Variants in PPP1R9A observed in about 807,000 individuals in gnomAD.
PPP1R9A encodes the protein protein phosphatase 1 regulatory subunit 9A.
A neutral mutation model predicts 141.9 loss-of-function variants in PPP1R9A; 59 were observed. That is an observed-to-expected ratio of 0.42 (90% CI 0.34 to 0.52). PPP1R9A has a LOEUF of 0.52. Ranked by LOEUF, PPP1R9A falls within the 20% of genes least tolerant of loss-of-function variation. The pLI is 0.10. For synonymous variants in PPP1R9A, 500 were observed against 569.7 expected (o/e 0.88, Z 1.74); for missense variants, 1,444 against 1,611.9 (o/e 0.90, Z 1.78).
At chr7:95,005,092 A>G (rs1355633965) in intron 2 of PPP1R9A, among the ~76,000 whole-genome samples, 3 of 152,176 alleles carry the variant, frequency 2.0e-5, no homozygotes, top group African/African-American at 4.8e-5. Context: ...CCAGGCTGCT[A>G]GACTATGCAC....
chr7:95,147,920 GCA>G (rs1269222896), intron 4 of PPP1R9A, among the ~76,000 whole-genome samples: 4 of 152,164 alleles, frequency 2.6e-5, no homozygotes, highest in African/African-American at 9.6e-5. Context: ...GAGGATTTTT[GCA>G]TTGATGTTCA....
At chr7:95,030,294 G>T (rs1177449080) in intron 2 of PPP1R9A, among the ~76,000 whole-genome samples, 1 of 152,062 alleles carries the variant, frequency 6.6e-6, no homozygotes, top group Non-Finnish European at 1.5e-5. Flanking sequence ...CAAGTGTTTA[G>T]TAAAACACTT....
chr7:95,144,536 G>C (rs1008213649), intron 4 of PPP1R9A, among the ~76,000 whole-genome samples: 2 of 152,044 alleles, frequency 1.3e-5, no homozygotes, highest in African/African-American at 4.8e-5. Flanking sequence ...TCATGTGGTA[G>C]TTCTAGTTTA....
chr7:94,925,757 C>T (rs1793398657), intron 2 of PPP1R9A, among the ~76,000 whole-genome samples: 1 of 152,082 alleles, frequency 6.6e-6, no homozygotes, highest in Non-Finnish European at 1.5e-5. Flanking sequence ...TTCATCATCT[C>T]TGCCCTTTCT....
In PPP1R9A at chr7:94,910,360, G is replaced by A. The variant is rs958939237; in HGVS notation, c.247G>A (p.Val83Ile). The change falls in exon 2 of 20, where the codon GTC becomes ATC. Residue 83 changes from valine to isoleucine, a missense_variant. By Grantham distance (29) the Val-to-Ile change is conservative (BLOSUM62 3). Around this residue, in one of 5 missense-constraint regions of PPP1R9A, gnomAD observed 490 missense variants for 521.1 expected, o/e 0.94. Transcript: ENST00000433360. This position sits in a 1 kb window ranked among gnomAD's most constrained non-coding sequence, Gnocchi z 4.5. Reference protein sequence around the residue: ...MGMEPNENAAVIAKTRGKGGH... With the variant: ...MGMEPNENAAIIAKTRGKGGH... The stretch of plus-strand genomic sequence containing the variant: ...TATGGAACCCAACGAGAATGCTGCA[G>A]TCATTGCCAAAACAAGGGGGAAAGG... The A allele has an allele frequency of 3.1e-6, 5 of 1,614,132 alleles. No individual in the cohort carries two copies. In the Middle Eastern group the frequency reaches 4.9e-4, roughly 160 times the overall value.
At chr7:95,080,906 G>A (rs1815714644) in intron 2 of PPP1R9A, among the ~76,000 whole-genome samples, 1 of 152,156 alleles carries the variant, frequency 6.6e-6, no homozygotes, top group African/African-American at 2.4e-5. Context: ...ATGTCCAGAT[G>A]ACTTGCACAT....
At chr7:95,150,996 A>G (rs896658851) in intron 4 of PPP1R9A, among the ~76,000 whole-genome samples, 11 of 152,242 alleles carry the variant, frequency 7.2e-5, no homozygotes, top group African/African-American at 2.2e-4. Context: ...GCTAAAATTC[A>G]AAACACTGAC....
chr7:95,130,262 GC>G (rs990503886), intron 4 of PPP1R9A, among the ~76,000 whole-genome samples: 46 of 152,172 alleles, frequency 3.0e-4, no homozygotes, highest in African/African-American at 8.7e-4. Flanking sequence ...GCTGAAAGGG[GC>G]CAAGGTAGCT....
At chr7:95,121,463 A>ATCTG (rs1822580489) in intron 4 of PPP1R9A, among the ~76,000 whole-genome samples, 1 of 23,776 alleles carries the variant, frequency 4.2e-5, no homozygotes, top group African/African-American at 7.8e-5. Flanking sequence ...CTGTCTGTCT[A>ATCTG]TCTATCTATC....
intron 2 of PPP1R9A, among the ~76,000 whole-genome samples, chr7:94,955,037 A>G (rs1279004400): frequency 6.6e-6 from 1 of 151,990 alleles, no homozygotes; most frequent in Non-Finnish European, 1.5e-5. Context: ...TCTGAATCAG[A>G]TAATTCTTAC....
chr7:94,911,363 C>T lies in PPP1R9A; in HGVS notation c.1250C>T (p.Thr417Ile). ...AGGTATAATTCAGACTGGGGAGAGACAGGCACTGAGCAGGATGAGGAGGAA... is the reference window on the plus strand; with the variant it reads ...AGGTATAATTCAGACTGGGGAGAGATAGGCACTGAGCAGGATGAGGAGGAA... ...RSRYNSDWGE[T>I]GTEQDEEEDS... Residue 417 changes from threonine to isoleucine, a missense_variant, in exon 2 of 20, where the codon ACA (threonine) becomes ATA (isoleucine). This residue lies in a region of PPP1R9A where 490 missense variants were observed against 521.1 expected (regional missense o/e 0.94). Coordinates refer to ENST00000433360, the MANE Select transcript of PPP1R9A (RefSeq NM_001166160.2). 6.2e-7 allele frequency: 1 copy of T among 1,614,116 alleles called. No individual in the cohort carries two copies.
intron 4 of PPP1R9A, among the ~76,000 whole-genome samples, chr7:95,125,385 G>C (rs1823383322): frequency 1.3e-5 from 2 of 152,026 alleles, no homozygotes; most frequent in Non-Finnish European, 2.9e-5. Flanking sequence ...TGAATGATAT[G>C]ATAGCCATTT....
intron 2 of PPP1R9A, among the ~76,000 whole-genome samples, chr7:94,989,961 T>A (rs1405840): frequency 6.6e-6 from 1 of 152,086 alleles, no homozygotes; most frequent in Admixed American, 6.6e-5. Flanking sequence ...TGATCGAGTA[T>A]AAAATGTGCT....
chr7:94,910,572 A>G lies in PPP1R9A; in HGVS notation c.459A>G (p.Ser153=). The change falls in exon 2 of 20, where the codon TCA becomes TCG. Residue 153 remains serine, a synonymous_variant. Transcript: ENST00000433360. This position sits in a 1 kb window ranked among gnomAD's most constrained non-coding sequence, Gnocchi z 4.5. Reference sequence around the variant, plus strand: ...TGTTTGAGAGAAGTGTGCATGAATCAGGACAGAACAACCGCTATTCCCCAA... The same window carrying G: ...TGTTTGAGAGAAGTGTGCATGAATCGGGACAGAACAACCGCTATTCCCCAA... ...RKMFERSVHE[S]GQNNRYSPKK... 6.2e-7 allele frequency: 1 copy of G among 1,614,198 alleles called. No individual in the cohort carries two copies. The highest frequency in any genetic ancestry group is 1.1e-5 in the South Asian group (1 of 91,082).
chr7:94,969,404 C>T (rs1298669999), intron 2 of PPP1R9A, among the ~76,000 whole-genome samples: 1 of 152,126 alleles, frequency 6.6e-6, no homozygotes, highest in African/African-American at 2.4e-5. Flanking sequence ...TCAGGCCCCC[C>T]TGCTGCAGGT....
chr7:95,233,495 T>C (rs1406399248), intron 8 of PPP1R9A, among the ~76,000 whole-genome samples: 1 of 151,820 alleles, frequency 6.6e-6, no homozygotes, highest in African/African-American at 2.4e-5. Flanking sequence ...TGCACATGTA[T>C]CCCAGAACTT....
At chr7:95,089,312 G>A (rs904960861) in intron 2 of PPP1R9A, among the ~76,000 whole-genome samples, 1 of 151,884 alleles carries the variant, frequency 6.6e-6, no homozygotes, top group African/African-American at 2.4e-5. Flanking sequence ...AATACAAGAG[G>A]GCTCCATCTC....
chr7:95,195,132 CCACA>C (rs1836053682), intron 5 of PPP1R9A, among the ~76,000 whole-genome samples: 6 of 152,064 alleles, frequency 3.9e-5, no homozygotes, highest in Non-Finnish European at 7.4e-5. Context: ...TCCACCCTTA[CCACA>C]CATCATACAT....
chr7:95,225,946 T>A lies in PPP1R9A; in HGVS notation c.1957-15T>A. On this transcript the variant is annotated splice_polypyrimidine_tract_variant and intron_variant, in intron 7 of 19. Transcript: ENST00000433360. ...GGTAAGGACAGCTGGATTTCTGAAATCCCCTTCCTTTCAGACAGGAGAATA... is the reference window on the plus strand; with the variant it reads ...GGTAAGGACAGCTGGATTTCTGAAAACCCCTTCCTTTCAGACAGGAGAATA... 1.3e-6 allele frequency: 2 copies of A among 1,588,950 alleles called. No homozygotes were observed.
Sources: gnomAD v4.1 joint callset for allele counts (sites outside exome capture counted in the v4.1 genomes callset) on GRCh38, gnomAD v4.1.1 for gene constraint, gnomAD v4.1.1 regional missense constraint, Gnocchi (gnomAD v3.1) non-coding constraint, MANE v1.5 for transcripts, NCBI Gene and HGNC (gene_info 2026-07-23, HGNC 2026-07-21) for gene names.